NFIL3: variants seen among roughly 807,000 people sequenced by gnomAD.
NFIL3 encodes the protein nuclear factor interleukin-3-regulated protein.
Under a neutral mutation model 10.0 loss-of-function variants are expected in NFIL3, and 5 were observed. That is an observed-to-expected ratio of 0.50 (90% CI 0.26 to 1.06). NFIL3 has a LOEUF of 1.06. Ranked by LOEUF, NFIL3 falls within the 50% of genes least tolerant of loss-of-function variation. The probability of loss-of-function intolerance (pLI) is 0.13; values close to 1 mark genes in which losing one functional copy is unlikely to be tolerated. For synonymous variants in NFIL3, 202 were observed against 206.5 expected, an observed-to-expected ratio of 0.98 and a Z score of 0.19; for missense variants, 436 against 547.6, an observed-to-expected ratio of 0.80 and a Z score of 2.03.
At chr9:91,418,797 TATC>T (rs1833705409) in intron 1 of NFIL3, among the ~76,000 whole-genome samples, 1 of 151,742 alleles carries the variant, frequency 6.6e-6, no homozygotes, top group Non-Finnish European at 1.5e-5. Flanking sequence ...TAAACTTTCT[TATC>T]ATAAAAACAA....
At chr9:91,436,180 A>C in the NFIL3 span, among the ~76,000 whole-genome samples, 30 of 152,330 alleles carry the variant, frequency 2.0e-4, no homozygotes, top group African/African-American at 7.0e-4. Flanking sequence ...CTGCTACCAG[A>C]AAGAAAGCTC....
the NFIL3 span, among the ~76,000 whole-genome samples, chr9:91,457,263 C>T: frequency 4.0e-3 from 614 of 151,814 alleles, 1 homozygote; most frequent in Admixed American, 6.5e-3. Context: ...AAAAAACTTT[C>T]TGGAATTTTT....
At chr9:91,475,473 A>G in the NFIL3 span, among the ~76,000 whole-genome samples, 1 of 152,248 alleles carries the variant, frequency 6.6e-6, no homozygotes, top group Non-Finnish European at 1.5e-5. Flanking sequence ...TAACAAAAGT[A>G]CCTAATATTA....
chr9:91,449,909 GTTTATT>G, the NFIL3 span, among the ~76,000 whole-genome samples: 6 of 151,958 alleles, frequency 3.9e-5, no homozygotes, highest in African/African-American at 1.2e-4. Flanking sequence ...GAGATTTTCT[GTTTATT>G]TTTAAGTCAG....
chr9:91,409,773 G>A lies in NFIL3; in HGVS notation c.962C>T (p.Ser321Phe). 1 of 1,614,214 alleles carries A rather than the reference G, an allele frequency of 6.2e-7. No individual in the cohort carries two copies. Among genetic ancestry groups the A allele is most frequent in the Non-Finnish European group, 8.5e-7 (1 of 1,180,048 alleles). The change falls in exon 2 of 2, where the codon TCT (serine) becomes TTT (phenylalanine). Residue 321 changes from serine (S) to phenylalanine (F), a missense_variant. Physicochemically the swap from Ser to Phe is radical, Grantham distance 155. Around this residue, in one of 3 missense-constraint regions of NFIL3, gnomAD observed 338 missense variants for 399.9 expected, o/e 0.85. Transcript: ENST00000297689. ...TVVKVPEVNS[S>F]ALPHKLRIKA... ...GATCCGGAGCTTGTGTGGCAAGGCA[G>A]AGGAATTCACTTCTGGAACTTTAAC... is the stretch of plus-strand genomic sequence containing the variant.
At chr9:91,457,249 C>CA in the NFIL3 span, among the ~76,000 whole-genome samples, 26,159 of 150,468 alleles carry the variant, frequency 0.17, 2,864 homozygotes, top group East Asian at 0.4. Flanking sequence ...CAGTTTTTGT[C>CA]AAAAAAAAAC....
upstream of NFIL3, chr9:91,423,977 T>TCCGCGGCCCCGCC (rs1833827329): frequency 7.1e-6 from 1 of 141,416 alleles, no homozygotes; most frequent in East Asian, 2.3e-4. Context: ...GGGCGGGCAC[T>TCCGCGGCCCCGCC]CCGCGGCCCC....
intron 1 of NFIL3, among the ~76,000 whole-genome samples, chr9:91,415,122 G>A (rs1169750606): frequency 1.3e-5 from 2 of 152,190 alleles, no homozygotes; most frequent in African/African-American, 4.8e-5. Context: ...CACATAAAGA[G>A]GGAGAGAAAA....
chr9:91,440,831 T>A, the NFIL3 span, among the ~76,000 whole-genome samples: 1 of 152,186 alleles, frequency 6.6e-6, no homozygotes, highest in Admixed American at 6.5e-5. Context: ...CTTCTGTTAT[T>A]GATTCCTGGT....
At position 91,421,533 on chromosome 9, in the gene NFIL3, C is replaced by T. The variant is rs977920382; in HGVS notation, c.-173+2107G>A. On this transcript the variant is annotated intron_variant, in intron 1 of 1. Transcript: ENST00000297689. ...GCGCTTCTCGGTCCCGACCCGAGGTCCCCGCCCGCCACTACCAGACCCGCC... is the reference window on the plus strand; with the variant it reads ...GCGCTTCTCGGTCCCGACCCGAGGTTCCCGCCCGCCACTACCAGACCCGCC... Among the ~76,000 whole-genome samples, 10 of 152,254 alleles carry T rather than the reference C, an allele frequency of 6.6e-5. No individual in the cohort carries two copies. In the East Asian group the frequency reaches 1.9e-3, roughly 29 times the overall value.
chr9:91,416,445 T>C (rs1288800390), intron 1 of NFIL3, among the ~76,000 whole-genome samples: 1 of 152,244 alleles, frequency 6.6e-6, no homozygotes, highest in East Asian at 1.9e-4. Flanking sequence ...TCCCTTATGA[T>C]TAATTTAACA....
chr9:91,464,114 T>C, the NFIL3 span, among the ~76,000 whole-genome samples: 1 of 152,104 alleles, frequency 6.6e-6, no homozygotes, highest in Non-Finnish European at 1.5e-5. Context: ...TGTCTTTTTA[T>C]TGGTGTACTT....
chr9:91,409,667 G>T lies in NFIL3; in HGVS notation c.1068C>A (p.Asp356Glu). 2 of 1,614,214 alleles carry T rather than the reference G, an allele frequency of 1.2e-6. No homozygotes were observed. Among genetic ancestry groups the T allele is most frequent in the Non-Finnish European group, 1.7e-6 (2 of 1,180,040 alleles). Reference sequence around the variant, plus strand: ...GTTCGAAATGTCTTTTAGATGTCATGTCAATAGGTGAGGAAAGTTTTTGCG... The same window carrying T: ...GTTCGAAATGTCTTTTAGATGTCATTTCAATAGGTGAGGAAAGTTTTTGCG... ...EATQKLSSPI[D>E]MTSKRHFELE... is the part of the protein sequence containing the mutation. Residue 356 changes from aspartate (D) to glutamate (E), a missense_variant, in exon 2 of 2, where the codon GAC (aspartate) becomes GAA (glutamate). Physicochemically the swap from Asp to Glu is conservative, Grantham distance 45 (BLOSUM62 2). Coordinates refer to ENST00000297689, the MANE Select transcript of NFIL3 (RefSeq NM_005384.3).
At chr9:91,453,253 G>A in the NFIL3 span, among the ~76,000 whole-genome samples, 1 of 151,890 alleles carries the variant, frequency 6.6e-6, no homozygotes, top group African/African-American at 2.4e-5. Context: ...ATTAGATTAG[G>A]GCCCACACTA....
chr9:91,426,087 G>A (rs1284350549), upstream of NFIL3, among the ~76,000 whole-genome samples: 3 of 152,144 alleles, frequency 2.0e-5, no homozygotes, highest in African/African-American at 7.2e-5. Flanking sequence ...GCCACCCCAG[G>A]CAGTGATGCT....
chr9:91,482,508 T>A, the NFIL3 span, among the ~76,000 whole-genome samples: 22 of 151,586 alleles, frequency 1.5e-4, no homozygotes, highest in African/African-American at 4.4e-4. Flanking sequence ...CCAAAAAAAA[T>A]TTTTTTTTGG....
the NFIL3 span, among the ~76,000 whole-genome samples, chr9:91,462,082 T>C: frequency 3.9e-5 from 6 of 152,202 alleles, no homozygotes; most frequent in Admixed American, 1.3e-4. Flanking sequence ...GTGAAATAAC[T>C]TTAGACTTTG....
At chr9:91,424,304 G>C (rs982150006), upstream of NFIL3, among the ~76,000 whole-genome samples, 4 of 152,202 alleles carry the variant, frequency 2.6e-5, no homozygotes, top group Non-Finnish European at 4.4e-5. Context: ...GCCGCAGCCT[G>C]CTGGGCTACC....
chr9:91,475,089 T>C, the NFIL3 span, among the ~76,000 whole-genome samples: 1 of 152,238 alleles, frequency 6.6e-6, no homozygotes, highest in Non-Finnish European at 1.5e-5. Flanking sequence ...GCATTCTCAA[T>C]TGGCATGACA....
Sources: allele counts gnomAD v4.1 joint callset (sites outside exome capture counted in the v4.1 genomes callset), GRCh38; gene constraint gnomAD v4.1.1; regional missense constraint gnomAD v4.1.1; transcripts MANE v1.5; gene names NCBI Gene and HGNC (gene_info 2026-07-23, HGNC 2026-07-21).